CNN2: variants seen among roughly 807,000 people sequenced by gnomAD.
The protein encoded by CNN2 is calponin-2.
A neutral mutation model predicts 31.0 loss-of-function variants in CNN2; 21 were observed. The observed-to-expected ratio is 0.68, with a 90% CI of 0.48 to 0.98. The LOEUF (loss-of-function observed/expected upper bound fraction) is 0.98, where lower values mean the gene tolerates loss of function less well. Ranked by LOEUF, CNN2 falls within the 50% of genes least tolerant of loss-of-function variation. CNN2 has a pLI of 0.00. For synonymous variants in CNN2, 165 were observed against 179.6 expected, an observed-to-expected ratio of 0.92 and a Z score of 0.65; for missense variants, 399 against 427.3, an observed-to-expected ratio of 0.93 and a Z score of 0.58.
rs1478625914 is a variant in CNN2, at chr19:1,032,699, G to A, written c.390+3G>A. The stretch of plus-strand genomic sequence containing the variant: ...CTCTTCTCGCCCTGGCGGGGAAGGT[G>A]AGGCCCAGAGAGGGGCAGCCACCTG... On this transcript the variant is annotated splice_donor_region_variant and intron_variant, in intron 4 of 6. Transcript: ENST00000263097. 1 of 1,602,060 alleles carries A rather than the reference G, an allele frequency of 6.2e-7. No individual in the cohort carries two copies. Among genetic ancestry groups the A allele is most frequent in the Admixed American group, 1.7e-5 (1 of 59,312 alleles).
Position 1,032,634 on chromosome 19 carries a change from G to T in CNN2, c.328G>T (p.Asp110Tyr). Residue 110 changes from aspartate to tyrosine, a missense_variant, in exon 4 of 7, where the codon GAC (aspartate) becomes TAC (tyrosine). By Grantham distance (160) the Asp-to-Tyr change is radical. Transcript: ENST00000263097. Reference protein sequence around the residue: ...MNPVDLFEANDLFESGNMTQV... With the variant: ...MNPVDLFEANYLFESGNMTQV... The stretch of plus-strand genomic sequence containing the variant: ...CCCTGTGGACCTGTTCGAGGCCAAC[G>T]ACCTGTTTGAGAGTGGGAACATGAC... 6.2e-7 allele frequency: 1 copy of T among 1,612,654 alleles called. No homozygotes were observed. Among genetic ancestry groups the T allele is most frequent in the South Asian group, 1.1e-5 (1 of 91,040 alleles).
At chr19:1,026,828 T>C in intron 1 of CNN2, 104 bp downstream of exon 1, 1 of 1,146,944 alleles carries the variant, frequency 8.7e-7, no homozygotes, top group South Asian at 1.7e-5. Flanking sequence ...GCAGGGAGCT[T>C]GGAGACCCGG....
intron 1 of CNN2, among the ~76,000 whole-genome samples, chr19:1,030,236 C>T (rs1209917094): frequency 6.6e-6 from 1 of 152,166 alleles, no homozygotes. Context: ...GCTGGAATGG[C>T]CGGGTGCAGA....
intron 1 of CNN2, among the ~76,000 whole-genome samples, chr19:1,030,604 C>G (rs551662773): frequency 9.2e-5 from 14 of 151,764 alleles, no homozygotes; most frequent in African/African-American, 2.9e-4. Flanking sequence ...CCAGCCTGGG[C>G]GACAGAGTGA....
At chr19:1,026,810 C>T in intron 1 of CNN2, 86 bp downstream of exon 1, 2 of 1,336,406 alleles carry the variant, frequency 1.5e-6, no homozygotes, top group East Asian at 2.9e-5. Flanking sequence ...GCCCCCGGCA[C>T]CTCCCGGGCA....
chr19:1,031,030 G>GC, intron 1 of CNN2, 41 bp from the exon 2 acceptor site: 1 of 1,578,070 alleles, frequency 6.3e-7, no homozygotes, highest in South Asian at 1.1e-5. Context: ...TGCTGGGGGT[G>GC]CCCCCAGCCC....
chr19:1,028,526 C>T (rs1239999535), intron 1 of CNN2, among the ~76,000 whole-genome samples: 3 of 152,196 alleles, frequency 2.0e-5, no homozygotes, highest in Admixed American at 2.0e-4. Context: ...CAGTTGACTC[C>T]CGGCTGGACG....
intron 6 of CNN2, 158 bp from the exon 7 acceptor site, chr19:1,037,467 T>A (rs2039608782): frequency 1.1e-6 from 1 of 884,102 alleles, no homozygotes; most frequent in Non-Finnish European, 1.8e-6. Context: ...AGACAGGGTT[T>A]CACCGTGTTG....
At position 1,036,519 on chromosome 19, in the gene CNN2, C is replaced by T. The variant is rs997932969; in HGVS notation, c.611C>T (p.Ser204Leu). ...CATATCCTGCCCCCCATGGACCACT[C>T]GACCATCAGCCTCCAGATGGGCACG... ...KNHILPPMDH[S>L]TISLQMGTNK... The change falls in exon 6 of 7, where the codon TCG (serine) becomes TTG (leucine). Residue 204 changes from serine (S) to leucine (L), a missense_variant. Coordinates refer to ENST00000263097, the MANE Select transcript of CNN2 (RefSeq NM_004368.4). 5.0e-6 allele frequency: 8 copies of T among 1,613,678 alleles called. No individual in the cohort carries two copies. The highest frequency in any genetic ancestry group is 1.1e-5 in the South Asian group (1 of 91,084).
intron 1 of CNN2, among the ~76,000 whole-genome samples, chr19:1,030,075 C>G (rs931326500): frequency 2.0e-5 from 3 of 152,172 alleles, no homozygotes; most frequent in Admixed American, 1.3e-4. Flanking sequence ...TTATGGCCCC[C>G]TATACACTTT....
Position 1,032,467 on chromosome 19 carries a change from C to A in CNN2, c.252+9C>A. 3 of 1,613,590 alleles carry A rather than the reference C, an allele frequency of 1.9e-6. No individual in the cohort carries two copies. Among genetic ancestry groups the A allele is most frequent in the Non-Finnish European group, 2.5e-6 (3 of 1,179,904 alleles). On this transcript the variant is annotated intron_variant, in intron 3 of 6. Transcript: ENST00000263097. The stretch of plus-strand genomic sequence containing the variant: ...TGCAGAACTGGCACCAGGTGAGGGG[C>A]TGGTGGAGCGGAGCAGGGATGGTGC...
intron 2 of CNN2, 59 bp from the exon 3 acceptor site, chr19:1,032,333 A>G: frequency 6.2e-7 from 1 of 1,603,564 alleles, no homozygotes; most frequent in Non-Finnish European, 8.5e-7. Context: ...TCGGGTCTTC[A>G]CGGTTCCTCG....
Position 1,036,409 on chromosome 19 carries a change from C to T in CNN2, c.508-7C>T. ...CAGTCTGACCTCTCCCACGAACCTCCCTGCAGATGGGCACCAACAAATGCG... is the reference window on the plus strand; with the variant it reads ...CAGTCTGACCTCTCCCACGAACCTCTCTGCAGATGGGCACCAACAAATGCG... On this transcript the variant is annotated splice_region_variant and splice_polypyrimidine_tract_variant and intron_variant, in intron 5 of 6. Coordinates refer to ENST00000263097, the MANE Select transcript of CNN2 (RefSeq NM_004368.4). The T allele has an allele frequency of 6.2e-7, 1 of 1,612,662 alleles. No homozygotes were observed. Among genetic ancestry groups the T allele is most frequent in the Non-Finnish European group, 8.5e-7 (1 of 1,179,172 alleles).
chr19:1,026,752 C>T, intron 1 of CNN2, 28 bp downstream of exon 1: 2 of 1,544,438 alleles, frequency 1.3e-6, no homozygotes, highest in Non-Finnish European at 1.7e-6. Flanking sequence ...CTTGTCCCCC[C>T]GACAGCGCGG....
chr19:1,032,402 A>G lies in CNN2; in HGVS notation c.196A>G (p.Lys66Glu). The change falls in exon 3 of 7, where the codon AAG (lysine) becomes GAG (glutamate). Residue 66 changes from lysine to glutamate, a missense_variant. Physicochemically the swap from Lys to Glu is moderately conservative, Grantham distance 56 (BLOSUM62 1). Transcript: ENST00000263097. ...DGTILCTLMN[K>E]LQPGSVPKIN... ...TGTTGTGCCCTCCAGACTCATGAAC[A>G]AGCTACAGCCGGGCTCCGTCCCCAA... 1.2e-6 allele frequency: 2 copies of G among 1,613,586 alleles called. No individual in the cohort carries two copies. Among genetic ancestry groups the G allele is most frequent in the Non-Finnish European group, 1.7e-6 (2 of 1,179,994 alleles).
intron 1 of CNN2, among the ~76,000 whole-genome samples, chr19:1,027,639 TG>T (rs2039419916): frequency 6.6e-6 from 1 of 151,978 alleles, no homozygotes; most frequent in Non-Finnish European, 1.5e-5. Context: ...CCAGGGAAAG[TG>T]GGGGGCGGGG....
In CNN2 at chr19:1,030,926, C is replaced by T. The variant is rs1310478414; in HGVS notation, c.64-145C>T. ...CAATGATGGGAAAAGGGAGCATCTG[C>T]GTGGGTGTGGTGAGGGGGGACCTCC... On this transcript the variant is annotated intron_variant, in intron 1 of 6. Coordinates refer to ENST00000263097, the MANE Select transcript of CNN2 (RefSeq NM_004368.4). The T allele has an allele frequency of 5.8e-6, 6 of 1,026,658 alleles. No homozygotes were observed. The East Asian group carries it at 1.0e-4, about 17-fold the overall frequency. 63.6% of individuals were successfully genotyped at this position (1,026,658 alleles called of 1,614,324 possible).
rs775599276 is a variant in CNN2 at position 1,032,681 on chromosome 19, C to T, written c.375C>T (p.Leu125=). ...GNMTQVQVSL[L]ALAGKAKTKG... is the part of the protein sequence containing the mutation. Reference sequence around the variant, plus strand: ...TGACGCAGGTGCAGGTGTCTCTTCTCGCCCTGGCGGGGAAGGTGAGGCCCA... The same window carrying T: ...TGACGCAGGTGCAGGTGTCTCTTCTTGCCCTGGCGGGGAAGGTGAGGCCCA... The change falls in exon 4 of 7, where the codon CTC becomes CTT. Residue 125 remains leucine, a synonymous_variant. Coordinates refer to ENST00000263097, the MANE Select transcript of CNN2 (RefSeq NM_004368.4). 39 of 1,610,848 alleles carry T rather than the reference C, an allele frequency of 2.4e-5. No homozygotes were observed. Among genetic ancestry groups the T allele is most frequent in the South Asian group, 8.8e-5 (8 of 90,900 alleles).
In CNN2 at chr19:1,037,961, G is replaced by A; in HGVS notation, c.*61G>A. The A allele has an allele frequency of 7.2e-7, 1 of 1,385,256 alleles. No individual in the cohort carries two copies. Among genetic ancestry groups the A allele is most frequent in the Non-Finnish European group, 9.4e-7 (1 of 1,060,176 alleles). 85.8% of individuals were successfully genotyped at this position (1,385,256 alleles called of 1,614,324 possible). ...CATCTGGGTTTTTGGGTTTTTCTGT[G>A]TTTTCATCTTTTTTTTTTTTTTCTT... On this transcript the variant is annotated 3_prime_UTR_variant, in exon 7 of 7. Coordinates refer to ENST00000263097, the MANE Select transcript of CNN2 (RefSeq NM_004368.4).
Sources: allele counts gnomAD v4.1 joint callset (sites outside exome capture counted in the v4.1 genomes callset), GRCh38; gene constraint gnomAD v4.1.1; transcripts MANE v1.5; gene names NCBI Gene and HGNC (gene_info 2026-07-23, HGNC 2026-07-21).